METTL24: variants seen among roughly 807,000 people sequenced by gnomAD.
METTL24 encodes methyltransferase like 24, also known as probable methyltransferase-like protein 24.
METTL24 carries 29 observed loss-of-function variants against 32.7 expected under a neutral mutation model. That is an observed-to-expected ratio of 0.89 (90% confidence interval 0.66 to 1.21). The LOEUF (loss-of-function observed/expected upper bound fraction) is 1.21. METTL24 is among the 50% of genes most tolerant of loss of function. METTL24 has a pLI of 0.00. For synonymous variants in METTL24, 163 were observed against 179.5 expected, an observed-to-expected ratio of 0.91 and a Z score of 0.73; for missense variants, 439 against 468.1, an observed-to-expected ratio of 0.94 and a Z score of 0.57.
chr6:110,349,494 C>T (rs187473016), intron 1 of METTL24, among the ~76,000 whole-genome samples: 75 of 152,264 alleles, frequency 4.9e-4, no homozygotes, highest in South Asian at 3.7e-3. Flanking sequence ...AGCATGAGTC[C>T]GGAGCATTGT....
chr6:110,259,873 G>T (rs1252389178), intron 4 of METTL24, among the ~76,000 whole-genome samples: 1 of 152,236 alleles, frequency 6.6e-6, no homozygotes, highest in East Asian at 1.9e-4. Flanking sequence ...GTAGACCTCT[G>T]GCAAACTCCA....
Position 110,245,818 on chromosome 6 carries a change from A to G in METTL24, c.*128T>C. 1.1e-6 allele frequency: 1 copy of G among 913,554 alleles called. No individual in the cohort carries two copies. The highest frequency in any genetic ancestry group is 1.7e-6 in the Non-Finnish European group (1 of 596,910). The allele number at this position is 913,554 out of a possible 1,614,324, so 56.6% of individuals were successfully genotyped here. A position where few individuals can be genotyped will look rare whatever the true frequency, so the allele number is the denominator to read the frequency against. On this transcript the variant is annotated 3_prime_UTR_variant, in exon 5 of 5. Transcript: ENST00000338882. ...CCAAGCACTAGGCTGCATGCCCGCA[A>G]TAACACACTCCCTGCCTCAAGCAGG...
intron 4 of METTL24, among the ~76,000 whole-genome samples, chr6:110,267,550 A>C (rs1770878437): frequency 6.6e-6 from 1 of 152,218 alleles, no homozygotes; most frequent in Non-Finnish European, 1.5e-5. Flanking sequence ...AAAAGTTCCT[A>C]ACATTTGTTT....
Position 110,248,756 on chromosome 6 carries a change from C to CA in METTL24, c.787-2497dup, listed in dbSNP as rs892714365. On this transcript the variant is annotated intron_variant, in intron 4 of 4. Coordinates refer to ENST00000338882, the MANE Select transcript of METTL24 (RefSeq NM_001123364.3). The stretch of plus-strand genomic sequence containing the variant: ...ACAATATAGTGAGACCTCATCTCTA[C>CA]AAAAAAAAATAAAAATAAAAATAAA... 2.3e-3 allele frequency among the ~76,000 whole-genome samples: 338 copies of CA among 148,488 alleles called. 7 individuals are homozygous for CA. Among genetic ancestry groups the CA allele is most frequent in the Middle Eastern group, 3.5e-3 (1 of 288 alleles).
At chr6:110,357,213 T>G (rs965032253) in intron 1 of METTL24, 2 of 152,238 alleles carry the variant, frequency 1.3e-5, no homozygotes, top group African/African-American at 4.8e-5. Context: ...AAAAAGGAGA[T>G]GAGCCCAAAA....
In METTL24 at chr6:110,244,641, A is replaced by G. The variant is rs534274586; in HGVS notation, c.*1305T>C. 1.3e-5 allele frequency among the ~76,000 whole-genome samples: 2 copies of G among 152,142 alleles called. No individual in the cohort carries two copies. The highest frequency in any genetic ancestry group is 2.9e-5 in the Non-Finnish European group (2 of 68,030). ...TATGGCAGCAGGAAGGAGAAAAATG[A>G]GAGCCAAGTGAAGGGGGACACCTCT... is the stretch of plus-strand genomic sequence containing the variant. On this transcript the variant is annotated 3_prime_UTR_variant, in exon 5 of 5. Transcript: ENST00000338882.
intron 2 of METTL24, among the ~76,000 whole-genome samples, chr6:110,320,476 C>T (rs1044583829): frequency 1.3e-5 from 2 of 152,282 alleles, no homozygotes; most frequent in Middle Eastern, 3.4e-3. Context: ...CTCCCATCTG[C>T]TGGCCTTCTA....
intron 4 of METTL24, among the ~76,000 whole-genome samples, chr6:110,265,125 AAAGGAAAGAAAGAAAGAAAGAAAG>A (rs1299956078): frequency 1.4e-5 from 2 of 142,640 alleles, no homozygotes; most frequent in African/African-American, 5.2e-5. Flanking sequence ...GTATAATAAA[AAAGGAAAGAAAGAAAGAAAGAAAG>A]AAAGAAAGAA....
chr6:110,260,563 T>C (rs1258196269), intron 4 of METTL24, among the ~76,000 whole-genome samples: 1 of 152,120 alleles, frequency 6.6e-6, no homozygotes, highest in Non-Finnish European at 1.5e-5. Flanking sequence ...CCAGGAGAAC[T>C]TCCCCAACCA....
intron 1 of METTL24, chr6:110,332,495 T>C: frequency 1.0e-6 from 1 of 983,812 alleles, no homozygotes; most frequent in Non-Finnish European, 1.2e-6. Context: ...AGGTGGAAAC[T>C]ACACAGTGTC....
chr6:110,320,698 C>T lies in METTL24; in HGVS notation c.417+2076G>A, dbSNP rs916205673. Among the ~76,000 whole-genome samples the T allele has an allele frequency of 1.4e-4, 22 of 152,098 alleles. 1 individual carries two copies. The highest frequency in any genetic ancestry group is 1.3e-3 in the Admixed American group (20 of 15,260). On this transcript the variant is annotated intron_variant, in intron 2 of 4. Transcript: ENST00000338882. ...CACCTTCACAAAGAGTTGGTTAGAT[C>T]CTTAAGGGCAGAGACTATATCCTCA...
intron 2 of METTL24, among the ~76,000 whole-genome samples, chr6:110,318,215 A>G (rs970184117): frequency 6.6e-6 from 1 of 152,236 alleles, no homozygotes; most frequent in Non-Finnish European, 1.5e-5. Context: ...TTATTTTATT[A>G]AAGATGACAC....
chr6:110,288,421 T>A (rs984219497), intron 4 of METTL24, among the ~76,000 whole-genome samples: 1 of 152,202 alleles, frequency 6.6e-6, no homozygotes, highest in Non-Finnish European at 1.5e-5. Flanking sequence ...GTGTTGAATA[T>A]GATTTGGAGG....
chr6:110,328,377 C>CA (rs1227362021), intron 1 of METTL24, among the ~76,000 whole-genome samples: 1 of 152,156 alleles, frequency 6.6e-6, no homozygotes, highest in Non-Finnish European at 1.5e-5. Flanking sequence ...AGAAAAATTC[C>CA]AAAAATTCAG....
intron 4 of METTL24, among the ~76,000 whole-genome samples, chr6:110,253,616 T>C (rs1323409336): frequency 6.6e-6 from 1 of 152,034 alleles, no homozygotes; most frequent in East Asian, 1.9e-4. Flanking sequence ...AAATCATAGA[T>C]AAACAAAAAA....
At chr6:110,286,359 G>A (rs1771220918) in intron 4 of METTL24, among the ~76,000 whole-genome samples, 1 of 152,202 alleles carries the variant, frequency 6.6e-6, no homozygotes, top group Non-Finnish European at 1.5e-5. Context: ...GGTTAAAAAT[G>A]CAGGCTCCTG....
intron 4 of METTL24, among the ~76,000 whole-genome samples, chr6:110,250,359 C>A (rs1385227682): frequency 6.6e-6 from 1 of 151,920 alleles, no homozygotes; most frequent in Non-Finnish European, 1.5e-5. Flanking sequence ...ACATGGTGTT[C>A]TCTCTGTGTG....
At chr6:110,310,873 C>T (rs1431867641) in intron 3 of METTL24, among the ~76,000 whole-genome samples, 1 of 152,104 alleles carries the variant, frequency 6.6e-6, no homozygotes, top group Non-Finnish European at 1.5e-5. Flanking sequence ...TCCTTGGAAC[C>T]CTTCTTTCCC....
chr6:110,250,162 T>C (rs1410859332), intron 4 of METTL24, among the ~76,000 whole-genome samples: 2 of 151,800 alleles, frequency 1.3e-5, no homozygotes, highest in Non-Finnish European at 1.5e-5. Context: ...AGACCATGGA[T>C]TGGGAGGTTT....
Sources: allele counts gnomAD v4.1 joint callset (sites outside exome capture counted in the v4.1 genomes callset), GRCh38; gene constraint gnomAD v4.1.1; transcripts MANE v1.5; gene names NCBI Gene and HGNC (gene_info 2026-07-23, HGNC 2026-07-21).